The following GRID1 variants were observed in gnomAD, a reference collection of about 807,000 sequenced individuals.
The protein encoded by GRID1 is glutamate receptor ionotropic, delta-1.
Under a neutral mutation model 98.0 loss-of-function variants are expected in GRID1, and 28 were observed. The observed-to-expected ratio is 0.29, with a 90% CI of 0.21 to 0.39. GRID1 has a LOEUF of 0.39. Ranked by LOEUF, GRID1 falls within the 10% of genes least tolerant of loss-of-function variation. GRID1 has a pLI of 1.00. For synonymous variants in GRID1, 553 were observed against 538.5 expected (o/e 1.03, Z -0.37); for missense variants, 1,111 against 1,340.5 (o/e 0.83, Z 2.67).
chr10:85,813,055 G>A (rs555988782), intron 8 of GRID1, among the ~76,000 whole-genome samples: 43 of 151,582 alleles, frequency 2.8e-4, no homozygotes, highest in Non-Finnish European at 5.5e-4. Flanking sequence ...AGAAAAGAAG[G>A]GGGAAAAGAT....
At chr10:86,076,810 G>A (rs1283405736) in intron 4 of GRID1, among the ~76,000 whole-genome samples, 1 of 136,774 alleles carries the variant, frequency 7.3e-6, no homozygotes, top group Non-Finnish European at 1.6e-5. Flanking sequence ...GCTGCTGAGG[G>A]TTTGCTCAAC....
chr10:85,918,724 A>C (rs559257562), intron 4 of GRID1, among the ~76,000 whole-genome samples: 3 of 152,316 alleles, frequency 2.0e-5, no homozygotes, highest in African/African-American at 4.8e-5. Flanking sequence ...TCAATATAGG[A>C]GACAACTTTC....
chr10:86,029,391 C>T (rs1425316263), intron 4 of GRID1, among the ~76,000 whole-genome samples: 1 of 152,166 alleles, frequency 6.6e-6, no homozygotes, highest in Non-Finnish European at 1.5e-5. Context: ...AATATGAACC[C>T]ATGTCTGAGC....
intron 15 of GRID1, among the ~76,000 whole-genome samples, chr10:85,603,529 A>T (rs544828242): frequency 6.6e-6 from 1 of 152,276 alleles, no homozygotes; most frequent in Non-Finnish European, 1.5e-5. Flanking sequence ...AAAACAAAAC[A>T]GAACAAATAT....
intron 4 of GRID1, among the ~76,000 whole-genome samples, chr10:86,110,045 T>A (rs991662771): frequency 6.7e-6 from 1 of 150,034 alleles, no homozygotes; most frequent in African/African-American, 2.5e-5. Context: ...TGATCTTGGC[T>A]CACTGCAACC....
At chr10:86,151,195 G>A (rs1447250474) in intron 3 of GRID1, among the ~76,000 whole-genome samples, 1 of 152,160 alleles carries the variant, frequency 6.6e-6, no homozygotes, top group East Asian at 1.9e-4. Flanking sequence ...CACGTGGGAA[G>A]GGATGAGAAG....
chr10:86,216,117 T>C (rs1287570897), intron 2 of GRID1, among the ~76,000 whole-genome samples: 1 of 152,262 alleles, frequency 6.6e-6, no homozygotes, highest in South Asian at 2.1e-4. Flanking sequence ...TGGCATTATT[T>C]GACTTTTCCC....
chr10:86,106,445 G>A (rs2131948538), intron 4 of GRID1, among the ~76,000 whole-genome samples: 1 of 151,320 alleles, frequency 6.6e-6, no homozygotes, highest in South Asian at 2.1e-4. Context: ...GGAATACAGG[G>A]AGGTTCTGGC....
intron 8 of GRID1, among the ~76,000 whole-genome samples, chr10:85,767,762 C>T (rs1400491559): frequency 2.0e-5 from 3 of 152,296 alleles, no homozygotes; most frequent in East Asian, 3.9e-4. Context: ...TCCTATTCCA[C>T]CTTTGATATT....
intron 12 of GRID1, among the ~76,000 whole-genome samples, chr10:85,717,931 C>T (rs549803532): frequency 1.2e-5 from 1 of 81,832 alleles, no homozygotes; most frequent in East Asian, 2.4e-4. Context: ...AGATTTTAAG[C>T]TCCAAAATGA....
intron 8 of GRID1, among the ~76,000 whole-genome samples, chr10:85,783,965 A>C (rs905772604): frequency 6.6e-6 from 1 of 152,156 alleles, no homozygotes; most frequent in Non-Finnish European, 1.5e-5. Flanking sequence ...CGCTGGCATC[A>C]GGGGGCCCAG....
At position 85,723,156 on chromosome 10, in the gene GRID1, C is replaced by T; in HGVS notation, c.1859-15G>A. 6.2e-7 allele frequency: 1 copy of T among 1,600,402 alleles called. No homozygotes were observed. The highest frequency in any genetic ancestry group is 1.1e-5 in the South Asian group (1 of 87,986). ...AGATTCGCCACCTGCGGGAGGCAGACAAAGTGGATTGGCCAGTGGCTTCTG... is the reference window on the plus strand; with the variant it reads ...AGATTCGCCACCTGCGGGAGGCAGATAAAGTGGATTGGCCAGTGGCTTCTG... On this transcript the variant is annotated splice_polypyrimidine_tract_variant and intron_variant, in intron 11 of 15. Coordinates refer to ENST00000327946, the MANE Select transcript of GRID1 (RefSeq NM_017551.3).
chr10:85,694,650 G>A (rs115073299), intron 12 of GRID1, among the ~76,000 whole-genome samples: 1,617 of 141,856 alleles, frequency 0.011, 30 homozygotes, highest in African/African-American at 0.035. Flanking sequence ...TATATTTTGC[G>A]GTAACACTGA....
chr10:85,773,914 G>C (rs1453553312), intron 8 of GRID1, among the ~76,000 whole-genome samples: 5 of 152,162 alleles, frequency 3.3e-5, no homozygotes, highest in African/African-American at 1.2e-4. Flanking sequence ...GTAATTTATA[G>C]ATTCAATGCC....
At chr10:85,977,982 G>A (rs536794936) in intron 4 of GRID1, among the ~76,000 whole-genome samples, 6 of 152,264 alleles carry the variant, frequency 3.9e-5, no homozygotes, top group East Asian at 3.9e-4. Context: ...TGAGAGTGCC[G>A]AGGTCAATTG....
In GRID1 at chr10:85,825,565, T is replaced by C. The variant is rs75138279; in HGVS notation, c.1233+28931A>G. ...TGTTAAAATAGGCTAATACTGAAAC[T>C]TTTCAGTGTTAGTGTGGAAAAGGTA... On this transcript the variant is annotated intron_variant, in intron 8 of 15. Coordinates refer to ENST00000327946, the MANE Select transcript of GRID1 (RefSeq NM_017551.3). Among the ~76,000 whole-genome samples, 766 of 152,308 alleles carry C rather than the reference T, an allele frequency of 5.0e-3. 8 individuals carry two copies. Among genetic ancestry groups the C allele is most frequent in the African/African-American group, 0.018 (729 of 41,570 alleles).
At chr10:85,793,695 C>T (rs1481124706) in intron 8 of GRID1, among the ~76,000 whole-genome samples, 1 of 152,072 alleles carries the variant, frequency 6.6e-6, no homozygotes, top group Admixed American at 6.5e-5. Context: ...CAAATGATAG[C>T]TATTACTACC....
intron 3 of GRID1, among the ~76,000 whole-genome samples, chr10:86,170,504 T>C (rs1162689859): frequency 6.6e-6 from 1 of 152,394 alleles, no homozygotes; most frequent in East Asian, 1.9e-4. Flanking sequence ...CCCTGTTCTT[T>C]AATGAATGGA....
At chr10:85,798,633 T>C (rs1842546545) in intron 8 of GRID1, among the ~76,000 whole-genome samples, 1 of 152,206 alleles carries the variant, frequency 6.6e-6, no homozygotes, top group Non-Finnish European at 1.5e-5. Context: ...GCATTTTTCA[T>C]ATACATACTG....
Sources: allele counts gnomAD v4.1 joint callset (sites outside exome capture counted in the v4.1 genomes callset), GRCh38; gene constraint gnomAD v4.1.1; transcripts MANE v1.5; gene names NCBI Gene and HGNC (gene_info 2026-07-23, HGNC 2026-07-21).